The following LARGE1 variants were observed in gnomAD, a reference collection of about 807,000 sequenced individuals.
LARGE1 encodes the protein xylosyl- and glucuronyltransferase LARGE1.
Under a neutral mutation model 87.6 loss-of-function variants are expected in LARGE1, and 43 were observed. That is an observed-to-expected ratio of 0.49 (90% CI 0.38 to 0.63). The LOEUF (loss-of-function observed/expected upper bound fraction) is 0.63. LARGE1 is among the 30% of genes least tolerant of loss of function. The pLI, the probability that LARGE1 is intolerant of heterozygous loss-of-function variation, is 0.00. For missense variants in LARGE1, 802 were observed against 1,000.2 expected (o/e 0.80, Z 2.67); for synonymous variants, 434 against 394.6 (o/e 1.10, Z -1.18).
In LARGE1 at chr22:33,304,216, T is replaced by C. The variant is rs1569033018; in HGVS notation, c.1730+13A>G. On this transcript the variant is annotated intron_variant, in intron 12 of 14. Coordinates refer to ENST00000397394, the MANE Select transcript of LARGE1 (RefSeq NM_133642.5). ...CCTTCTGGCCTGATGGCCAGGCCCC[T>C]GCAGGTCCTTACCTGAGGTACTCAT... 1 of 1,613,996 alleles carries C rather than the reference T, an allele frequency of 6.2e-7. No homozygotes were observed. The highest frequency in any genetic ancestry group is 8.5e-7 in the Non-Finnish European group (1 of 1,180,030).
intron 11 of LARGE1, 37 bp downstream of exon 11, chr22:33,316,048 G>C (rs1011121286): frequency 1.2e-6 from 2 of 1,609,696 alleles, no homozygotes; most frequent in Non-Finnish European, 1.7e-6. Context: ...AACAGCCGCG[G>C]TGAGGAGACT....
At chr22:33,215,955 C>A (rs1444842473) in intron 11 of LARGE1, among the ~76,000 whole-genome samples, 2 of 151,868 alleles carry the variant, frequency 1.3e-5, no homozygotes, top group Admixed American at 1.3e-4. Flanking sequence ...AACTCCATCT[C>A]AAAAGAAAAA....
intron 11 of LARGE1, among the ~76,000 whole-genome samples, chr22:33,237,092 C>CTG: frequency 6.6e-6 from 1 of 152,192 alleles, no homozygotes; most frequent in African/African-American, 2.4e-5. Context: ...CTATATCCCT[C>CTG]TGGAGATTAT....
chr22:33,750,765 T>C (rs2084285916), intron 2 of LARGE1: 1 of 152,192 alleles, frequency 6.6e-6, no homozygotes, highest in Non-Finnish European at 1.5e-5. Flanking sequence ...TTCCAACTGA[T>C]GAAAACACTC....
chr22:33,158,539 T>A (rs775059337), downstream of LARGE1, among the ~76,000 whole-genome samples: 3 of 152,128 alleles, frequency 2.0e-5, no homozygotes, highest in Non-Finnish European at 4.4e-5. Flanking sequence ...GAGAGAAGAA[T>A]GAAATGACCA....
chr22:33,759,881 T>G (rs2084659937), intron 2 of LARGE1, among the ~76,000 whole-genome samples: 1 of 152,158 alleles, frequency 6.6e-6, no homozygotes, highest in Non-Finnish European at 1.5e-5. Context: ...ATCTACCTGC[T>G]TAGATGAAGG....
At chr22:33,081,226 C>A in the LARGE1 span, among the ~76,000 whole-genome samples, 1 of 152,180 alleles carries the variant, frequency 6.6e-6, no homozygotes, top group African/African-American at 2.4e-5. Flanking sequence ...TTCCCAGCCT[C>A]CAGAACTGTG....
chr22:33,347,362 G>A (rs188993610), intron 9 of LARGE1, among the ~76,000 whole-genome samples: 39 of 152,288 alleles, frequency 2.6e-4, no homozygotes, highest in Middle Eastern at 3.4e-3. Flanking sequence ...TGCTTGGCAC[G>A]CAGTTAGTAT....
chr22:33,097,671 C>T, the LARGE1 span, among the ~76,000 whole-genome samples: 6,338 of 152,178 alleles, frequency 0.042, 336 homozygotes, highest in East Asian at 0.25. Flanking sequence ...ATTAAGAGAC[C>T]TTTGTTATCC....
chr22:33,522,552 G>T (rs1427876523), intron 6 of LARGE1, among the ~76,000 whole-genome samples: 1 of 152,074 alleles, frequency 6.6e-6, no homozygotes, highest in African/African-American at 2.4e-5. Flanking sequence ...TACAAAAAAG[G>T]CCAGGTGCGG....
intron 2 of LARGE1, among the ~76,000 whole-genome samples, chr22:33,747,477 C>G (rs916697307): frequency 2.0e-5 from 3 of 152,190 alleles, no homozygotes; most frequent in Admixed American, 1.3e-4. Context: ...CACCACCTGG[C>G]TCTGCTTAAT....
intron 1 of LARGE1, among the ~76,000 whole-genome samples, chr22:33,863,138 C>G (rs1245982400): frequency 6.6e-6 from 1 of 152,124 alleles, no homozygotes; most frequent in East Asian, 1.9e-4. Context: ...CGGGAGCCGA[C>G]AGTTTAGGGT....
chr22:33,870,841 T>G (rs1016162089), intron 1 of LARGE1, among the ~76,000 whole-genome samples: 1 of 152,202 alleles, frequency 6.6e-6, no homozygotes, highest in Admixed American at 6.5e-5. Context: ...GTGCTAGGAT[T>G]ACAGGCGTGA....
At chr22:33,198,236 T>C (rs998230764) in intron 11 of LARGE1, among the ~76,000 whole-genome samples, 1 of 152,072 alleles carries the variant, frequency 6.6e-6, no homozygotes, top group Admixed American at 6.5e-5. Context: ...ACTAATGAAT[T>C]GAATTGTATA....
intron 2 of LARGE1, among the ~76,000 whole-genome samples, chr22:33,707,825 C>G (rs1481597748): frequency 6.6e-6 from 1 of 152,094 alleles, no homozygotes; most frequent in East Asian, 1.9e-4. Flanking sequence ...CTGTGAGGGC[C>G]CTGGGGGCGA....
At chr22:33,104,522 G>A in the LARGE1 span, among the ~76,000 whole-genome samples, 1 of 152,198 alleles carries the variant, frequency 6.6e-6, no homozygotes, top group African/African-American at 2.4e-5. Flanking sequence ...GGAAGAGTTG[G>A]TAGCTGGAGA....
chr22:33,594,750 G>A (rs2078933113), intron 5 of LARGE1, among the ~76,000 whole-genome samples: 2 of 152,154 alleles, frequency 1.3e-5, no homozygotes. Flanking sequence ...GGGATTACAG[G>A]CACCCACCAC....
chr22:33,885,717 C>G (rs2064824985), intron 1 of LARGE1, among the ~76,000 whole-genome samples: 1 of 152,010 alleles, frequency 6.6e-6, no homozygotes, highest in Non-Finnish European at 1.5e-5. Context: ...CCGCTGGAGC[C>G]CAAGTTTCTC....
At chr22:33,383,606 T>C (rs2147128588) in intron 8 of LARGE1, among the ~76,000 whole-genome samples, 1 of 152,328 alleles carries the variant, frequency 6.6e-6, no homozygotes, top group Non-Finnish European at 1.5e-5. Context: ...AACAGTTTGG[T>C]AGAGTTCAAG....
Sources: gnomAD v4.1 joint callset for allele counts (sites outside exome capture counted in the v4.1 genomes callset) on GRCh38, gnomAD v4.1.1 for gene constraint, MANE v1.5 for transcripts, NCBI Gene and HGNC (gene_info 2026-07-23, HGNC 2026-07-21) for gene names.